Variants in TCERG1L observed in about 807,000 individuals in gnomAD.
TCERG1L encodes transcription elongation regulator 1 like.
TCERG1L carries 37 observed loss-of-function variants against 56.3 expected under a neutral mutation model. That is an observed-to-expected ratio of 0.66 (90% confidence interval 0.51 to 0.87). TCERG1L has a LOEUF of 0.87. TCERG1L is among the 40% of genes least tolerant of loss of function. TCERG1L has a pLI of 0.00. For missense variants in TCERG1L, 799 were observed against 774.2 expected, an observed-to-expected ratio of 1.03 and a Z score of -0.38; for synonymous variants, 324 against 326.3, an observed-to-expected ratio of 0.99 and a Z score of 0.08.
chr10:131,298,111 C>T, intron 3 of TCERG1L, among the ~76,000 whole-genome samples: 1 of 144,574 alleles, frequency 6.9e-6, no homozygotes. Context: ...TTTCTAGTTT[C>T]TTAAGGTTAA....
intron 4 of TCERG1L, among the ~76,000 whole-genome samples, chr10:131,175,349 G>A (rs1327103796): frequency 1.3e-5 from 2 of 152,244 alleles, no homozygotes; most frequent in Non-Finnish European, 2.9e-5. Flanking sequence ...CTTGCACGGA[G>A]GCATGCCTGC....
chr10:131,184,393 C>A (rs1263111270), intron 4 of TCERG1L, among the ~76,000 whole-genome samples: 1 of 152,200 alleles, frequency 6.6e-6, no homozygotes, highest in African/African-American at 2.4e-5. Context: ...AATGAGGGAA[C>A]AACTATCGCT....
At chr10:131,126,888 C>T (rs141628381) in intron 8 of TCERG1L, among the ~76,000 whole-genome samples, 206 of 152,284 alleles carry the variant, frequency 1.4e-3, no homozygotes, top group African/African-American at 3.9e-3. Context: ...AAACTCTGGA[C>T]GGGGCCAGAC....
At chr10:131,148,418 GCA>G (rs35636418) in intron 6 of TCERG1L, among the ~76,000 whole-genome samples, 30,610 of 150,006 alleles carry the variant, frequency 0.2, 3,446 homozygotes, top group South Asian at 0.35. Flanking sequence ...AGACACACAT[GCA>G]CACAGAGACA....
At chr10:131,158,823 G>C (rs560788629) in intron 6 of TCERG1L, among the ~76,000 whole-genome samples, 1 of 152,366 alleles carries the variant, frequency 6.6e-6, no homozygotes, top group East Asian at 1.9e-4. Context: ...GACAGAAGGA[G>C]ATTCCCTGAG....
At chr10:131,221,866 G>A (rs1417882981) in intron 4 of TCERG1L, among the ~76,000 whole-genome samples, 3 of 152,308 alleles carry the variant, frequency 2.0e-5, no homozygotes, top group South Asian at 2.1e-4. Flanking sequence ...GTACCTTCCC[G>A]CACAGGGCAA....
At chr10:131,115,617 G>A (rs1363690329) in intron 9 of TCERG1L, among the ~76,000 whole-genome samples, 1 of 125,336 alleles carries the variant, frequency 8.0e-6, no homozygotes, top group African/African-American at 2.9e-5. Context: ...TTTCCTTCTG[G>A]TTCCCTGAGG....
At chr10:131,287,589 G>T (rs1846559649) in intron 3 of TCERG1L, among the ~76,000 whole-genome samples, 1 of 152,078 alleles carries the variant, frequency 6.6e-6, no homozygotes, top group East Asian at 1.9e-4. Context: ...TCCAGATATA[G>T]AGAAAATATA....
At chr10:131,164,614 T>G (rs1846012599) in intron 5 of TCERG1L, among the ~76,000 whole-genome samples, 1 of 152,182 alleles carries the variant, frequency 6.6e-6, no homozygotes, top group Non-Finnish European at 1.5e-5. Flanking sequence ...GAGATTATGT[T>G]CTCTCTCTGG....
chr10:131,120,405 C>A lies in TCERG1L; in HGVS notation c.1260-3471G>T, dbSNP rs1334038585. Among the ~76,000 whole-genome samples, 3 of 152,332 alleles carry A rather than the reference C, an allele frequency of 2.0e-5. No homozygotes were observed. The East Asian group carries it at 5.8e-4, about 29-fold the overall frequency. ...TGGGGAACTCAGGCCCTGGGCTGTG[C>A]ACACCTGCTGTGGGCACAGAGCTCA... On this transcript the variant is annotated intron_variant, in intron 8 of 11. Transcript: ENST00000368642.
chr10:131,276,127 T>C (rs1269409520), intron 3 of TCERG1L, among the ~76,000 whole-genome samples: 1 of 152,202 alleles, frequency 6.6e-6, no homozygotes, highest in Non-Finnish European at 1.5e-5. Flanking sequence ...ATTCAATGTG[T>C]GGCTTTCATG....
intron 3 of TCERG1L, among the ~76,000 whole-genome samples, chr10:131,274,340 G>A (rs1409558166): frequency 6.6e-6 from 1 of 152,210 alleles, no homozygotes; most frequent in African/African-American, 2.4e-5. Context: ...AGGCAGCCAG[G>A]GCCAACGCCA....
chr10:131,311,340 G>T lies in TCERG1L; in HGVS notation c.296C>A (p.Ser99Tyr), dbSNP rs1390751490. Residue 99 changes from serine (S) to tyrosine (Y), a missense_variant, in exon 1 of 12, where the codon TCC (serine) becomes TAC (tyrosine). Coordinates refer to ENST00000368642, the MANE Select transcript of TCERG1L (RefSeq NM_174937.4). The surrounding 1 kb of genome is among the most constrained non-coding windows in gnomAD (Gnocchi z 4.0). ...GGGGTGCGCGGCGGCGGCGGCGGCG[G>T]AGTCTGGCGCAGAGGGCAGCGGCAG... is the stretch of plus-strand genomic sequence containing the variant. ...PLLPLPSAPD[S>Y]AAAAAAHPFP... The T allele has an allele frequency of 2.3e-4, 279 of 1,204,136 alleles. No individual in the cohort carries two copies. The highest frequency in any genetic ancestry group is 2.8e-4 in the Non-Finnish European group (274 of 971,486). The allele number at this position is 1,204,136 out of a possible 1,614,324, so 74.6% of individuals were successfully genotyped here. A position where few individuals can be genotyped will look rare whatever the true frequency, so the allele number is the denominator to read the frequency against.
In TCERG1L at chr10:131,113,449, G is replaced by A. The variant is rs942177864; in HGVS notation, c.1395+3350C>T. Among the ~76,000 whole-genome samples the A allele has an allele frequency of 3.5e-5, 5 of 142,156 alleles. 1 individual carries two copies. Among genetic ancestry groups the A allele is most frequent in the Non-Finnish European group, 6.3e-5 (4 of 63,156 alleles). 93.3% of individuals were successfully genotyped at this position (142,156 alleles called of 152,430 possible). A position where few individuals can be genotyped will look rare whatever the true frequency, so the allele number is the denominator to read the frequency against. The stretch of plus-strand genomic sequence containing the variant: ...GAAGGGCACCAGATGTTACTCATCC[G>A]GGGAGACGGACAGGGCAAGGCTGCC... On this transcript the variant is annotated intron_variant, in intron 9 of 11. Transcript: ENST00000368642.
chr10:131,249,732 G>A (rs1021570902), intron 4 of TCERG1L, among the ~76,000 whole-genome samples: 3 of 152,214 alleles, frequency 2.0e-5, no homozygotes, highest in East Asian at 1.9e-4. Context: ...CTGGCTGGGC[G>A]CTCCATGGGT....
At chr10:131,253,873 GC>G (rs1180629163) in intron 4 of TCERG1L, among the ~76,000 whole-genome samples, 1 of 152,202 alleles carries the variant, frequency 6.6e-6, no homozygotes, top group Non-Finnish European at 1.5e-5. Context: ...GGAGGATCCT[GC>G]CCCTGAGGGT....
intron 4 of TCERG1L, among the ~76,000 whole-genome samples, chr10:131,253,936 A>C (rs1846140621): frequency 6.6e-6 from 1 of 152,084 alleles, no homozygotes; most frequent in South Asian, 2.1e-4. Context: ...CACCGAAGAG[A>C]ATTGCCGGCG....
intron 4 of TCERG1L, among the ~76,000 whole-genome samples, chr10:131,180,132 G>C (rs1020802383): frequency 6.6e-6 from 1 of 152,200 alleles, no homozygotes; most frequent in African/African-American, 2.4e-5. Context: ...AGGGGAGAGA[G>C]GCTAGGGGAT....
At chr10:131,181,328 G>C (rs1845173746) in intron 4 of TCERG1L, among the ~76,000 whole-genome samples, 1 of 152,210 alleles carries the variant, frequency 6.6e-6, no homozygotes. Context: ...GCAACACCAG[G>C]GGCCCGGGGG....
Sources: gnomAD v4.1 joint callset for allele counts (sites outside exome capture counted in the v4.1 genomes callset) on GRCh38, gnomAD v4.1.1 for gene constraint, Gnocchi (gnomAD v3.1) non-coding constraint, MANE v1.5 for transcripts, NCBI Gene and HGNC (gene_info 2026-07-23, HGNC 2026-07-21) for gene names.